KALRN: variants seen among roughly 807,000 people sequenced by gnomAD.
KALRN encodes the protein kalirin.
KALRN carries 70 observed loss-of-function variants against 353.7 expected under a neutral mutation model. That is an observed-to-expected ratio of 0.20 (90% CI 0.16 to 0.24). The LOEUF (loss-of-function observed/expected upper bound fraction) is 0.24. Among genes scored for constraint, KALRN ranks in the 10% least tolerant of loss-of-function variants. KALRN has a pLI of 1.00. For synonymous variants in KALRN, 1,391 were observed against 1,434.8 expected (o/e 0.97, Z 0.69); for missense variants, 2,791 against 3,756.7 (o/e 0.74, Z 6.72).
intron 3 of KALRN, among the ~76,000 whole-genome samples, chr3:124,241,870 C>T (rs1279557282): frequency 6.6e-6 from 1 of 152,064 alleles, no homozygotes; most frequent in African/African-American, 2.4e-5. Context: ...GCTAAAAGCA[C>T]GAAGGGGTAG....
chr3:124,688,816 G>A (rs1016002148), intron 51 of KALRN, among the ~76,000 whole-genome samples: 1 of 152,184 alleles, frequency 6.6e-6, no homozygotes, highest in Non-Finnish European at 1.5e-5. Flanking sequence ...AAGGAAAATA[G>A]ACGCCAAGAT....
intron 10 of KALRN, among the ~76,000 whole-genome samples, chr3:124,362,603 AG>A (rs1334006162): frequency 1.3e-5 from 2 of 152,282 alleles, no homozygotes; most frequent in Non-Finnish European, 2.9e-5. Flanking sequence ...TGGCAACTTC[AG>A]CTATAATTAC....
intron 34 of KALRN, among the ~76,000 whole-genome samples, chr3:124,630,797 C>T (rs1419628401): frequency 1.3e-5 from 2 of 152,154 alleles, no homozygotes; most frequent in Non-Finnish European, 2.9e-5. Context: ...CAATATATGG[C>T]ATACAGCTTA....
chr3:124,095,177 G>A (rs1157504233), intron 1 of KALRN, among the ~76,000 whole-genome samples: 1 of 152,130 alleles, frequency 6.6e-6, no homozygotes, highest in Non-Finnish European at 1.5e-5. Context: ...TTTTCATCAA[G>A]CTCAGTACTC....
At chr3:124,482,727 C>A in intron 27 of KALRN, 81 bp from the exon 28 acceptor site, 1 of 902,118 alleles carries the variant, frequency 1.1e-6, no homozygotes, top group Non-Finnish European at 1.9e-6. Flanking sequence ...TCTCTTCTGA[C>A]CCCTGCCTTT....
At chr3:124,683,445 C>T (rs2061428716) in intron 51 of KALRN, among the ~76,000 whole-genome samples, 1 of 152,180 alleles carries the variant, frequency 6.6e-6, no homozygotes, top group South Asian at 2.1e-4. Flanking sequence ...GCCCCCTAGC[C>T]CCAGCATTGC....
intron 19 of KALRN, among the ~76,000 whole-genome samples, chr3:124,442,982 CAAAAAAA>C (rs2093715786): frequency 6.8e-6 from 1 of 148,040 alleles, no homozygotes; most frequent in African/African-American, 2.5e-5. Flanking sequence ...GACGCTGTCT[CAAAAAAA>C]GAAAAAAGAA....
chr3:124,384,242 CT>C (rs1172263436), intron 10 of KALRN, among the ~76,000 whole-genome samples: 1 of 152,144 alleles, frequency 6.6e-6, no homozygotes. Flanking sequence ...CTTCCCCAAC[CT>C]TCCTGCAAAC....
chr3:124,204,114 A>G (rs2076199127), intron 1 of KALRN, among the ~76,000 whole-genome samples: 1 of 152,090 alleles, frequency 6.6e-6, no homozygotes, highest in South Asian at 2.1e-4. Context: ...TCCCCTGTAG[A>G]TCTCTGTTCT....
At position 124,548,297 on chromosome 3, in the gene KALRN, A is replaced by C. The variant is rs181840476; in HGVS notation, c.4936-14546A>C. On this transcript the variant is annotated intron_variant, in intron 33 of 59. Transcript: ENST00000682506. ...CAATCCATATTGGTATGGTTGACTT[A>C]TATTTAAAGGAGGATAAAATTGCCC... is the stretch of plus-strand genomic sequence containing the variant. 2.4e-4 allele frequency among the ~76,000 whole-genome samples: 37 copies of C among 152,312 alleles called. No individual in the cohort carries two copies. In the East Asian group the frequency reaches 7.1e-3, roughly 29 times the overall value.
intron 3 of KALRN, among the ~76,000 whole-genome samples, chr3:124,248,382 C>G (rs997727970): frequency 4.6e-5 from 7 of 152,196 alleles, no homozygotes; most frequent in Admixed American, 3.9e-4. Context: ...CAGGGGGTTA[C>G]CCAGGCCAGA....
intron 5 of KALRN, among the ~76,000 whole-genome samples, chr3:124,281,410 G>T (rs192780094): frequency 6.6e-6 from 1 of 152,156 alleles, no homozygotes; most frequent in East Asian, 1.9e-4. Flanking sequence ...GCAAGAGGGG[G>T]TACAAACATG....
intron 57 of KALRN, among the ~76,000 whole-genome samples, chr3:124,709,319 C>T (rs1579062250): frequency 6.6e-6 from 1 of 152,050 alleles, no homozygotes; most frequent in East Asian, 1.9e-4. Context: ...GCTCTTTCAC[C>T]CAGGCTGGAG....
chr3:124,413,673 A>T lies in KALRN; in HGVS notation c.2542+8A>T. On this transcript the variant is annotated splice_region_variant and intron_variant, in intron 14 of 59. Transcript: ENST00000682506. Reference sequence around the variant, plus strand: ...CGGAGGTCCAGGCATCAGGTGGGTGACCTCGCTCATTCTCCTGGCAGAGGA... The same window carrying T: ...CGGAGGTCCAGGCATCAGGTGGGTGTCCTCGCTCATTCTCCTGGCAGAGGA... 1 of 1,610,370 alleles carries T rather than the reference A, an allele frequency of 6.2e-7. No individual in the cohort carries two copies. Among genetic ancestry groups the T allele is most frequent in the Non-Finnish European group, 8.5e-7 (1 of 1,177,368 alleles).
rs2085639340 is a variant in KALRN, at chr3:124,666,460, T to C, written c.6357T>C (p.Thr2119=). The change falls in exon 46 of 60, where the codon ACT becomes ACC. Residue 2119 remains threonine, a synonymous_variant. Coordinates refer to ENST00000682506, the MANE Select transcript of KALRN (RefSeq NM_001388419.1). ...CGTCTTTCCTTCAGGGCACTCTGAC[T>C]GCTCAGGGGAAGCTGCTGCAGCAGG... ...GRLQGFEGTL[T]AQGKLLQQDT... 1.9e-6 allele frequency: 3 copies of C among 1,613,994 alleles called. No homozygotes were observed. Among genetic ancestry groups the C allele is most frequent in the Non-Finnish European group, 2.5e-6 (3 of 1,179,864 alleles).
intron 1 of KALRN, among the ~76,000 whole-genome samples, chr3:124,084,216 A>C (rs908990564): frequency 6.6e-6 from 1 of 152,206 alleles, no homozygotes; most frequent in Non-Finnish European, 1.5e-5. Flanking sequence ...AGTAGGCCTG[A>C]AAGGGGGTTA....
At chr3:124,220,070 G>A (rs565825823) in intron 1 of KALRN, among the ~76,000 whole-genome samples, 7 of 151,908 alleles carry the variant, frequency 4.6e-5, no homozygotes, top group South Asian at 2.1e-4. Context: ...TCAGCCTCCC[G>A]AGTAGTGAGG....
At chr3:124,303,041 G>T (rs1165539721) in intron 6 of KALRN, among the ~76,000 whole-genome samples, 1 of 152,110 alleles carries the variant, frequency 6.6e-6, no homozygotes, top group African/African-American at 2.4e-5. Flanking sequence ...TATTCAGTCT[G>T]TAATAAAAAG....
At chr3:124,695,269 G>A (rs1270323105) in intron 53 of KALRN, among the ~76,000 whole-genome samples, 1 of 152,200 alleles carries the variant, frequency 6.6e-6, no homozygotes, top group Non-Finnish European at 1.5e-5. Context: ...GAATTGGACT[G>A]TGTACTGTTG....
Sources: gnomAD v4.1 joint callset for allele counts (sites outside exome capture counted in the v4.1 genomes callset) on GRCh38, gnomAD v4.1.1 for gene constraint, MANE v1.5 for transcripts, NCBI Gene and HGNC (gene_info 2026-07-23, HGNC 2026-07-21) for gene names.